CABIN1: variants seen among roughly 807,000 people sequenced by gnomAD.
CABIN1 encodes the protein calcineurin binding protein 1, also known as calcineurin-binding protein cabin-1.
CABIN1 carries 133 observed loss-of-function variants against 227.7 expected under a neutral mutation model. The ratio of observed to expected loss-of-function variants is 0.58; its 90% CI spans 0.51 to 0.67. The LOEUF (loss-of-function observed/expected upper bound fraction) is 0.67, where lower values mean the gene tolerates loss of function less well. Ranked by LOEUF, CABIN1 falls within the 30% of genes least tolerant of loss-of-function variation. The pLI, the probability that CABIN1 is intolerant of heterozygous loss-of-function variation, is 0.00. For synonymous variants in CABIN1, 1,086 were observed against 1,155.1 expected (o/e 0.94, Z 1.21); for missense variants, 2,408 against 2,852.5 (o/e 0.84, Z 3.55).
At chr22:24,073,619 A>G (rs1012127363) in intron 18 of CABIN1, among the ~76,000 whole-genome samples, 1 of 152,156 alleles carries the variant, frequency 6.6e-6, no homozygotes, top group Non-Finnish European at 1.5e-5. Flanking sequence ...CAGATCAACT[A>G]TCTAACACCA....
At chr22:24,042,553 C>G (rs767031222) in intron 5 of CABIN1, among the ~76,000 whole-genome samples, 1 of 152,098 alleles carries the variant, frequency 6.6e-6, no homozygotes, top group Non-Finnish European at 1.5e-5. Flanking sequence ...TGCACTCTTG[C>G]CTGGGCAGTA....
intron 29 of CABIN1, among the ~76,000 whole-genome samples, chr22:24,135,696 C>G (rs544782193): frequency 6.6e-6 from 1 of 152,356 alleles, no homozygotes; most frequent in African/African-American, 2.4e-5. Flanking sequence ...CATACACCCC[C>G]TCTGAGCTTT....
intron 29 of CABIN1, among the ~76,000 whole-genome samples, chr22:24,141,133 C>G (rs984479726): frequency 1.3e-5 from 2 of 152,368 alleles, no homozygotes; most frequent in Non-Finnish European, 1.5e-5. Context: ...TAGGATGTGA[C>G]TGAAGCACGG....
At chr22:24,095,607 A>G (rs1649405806) in intron 24 of CABIN1, among the ~76,000 whole-genome samples, 1 of 152,210 alleles carries the variant, frequency 6.6e-6, no homozygotes, top group Non-Finnish European at 1.5e-5. Context: ...CACAAAGAGA[A>G]CAGCAGCACT....
At chr22:24,143,767 G>A (rs5760216) in intron 29 of CABIN1, among the ~76,000 whole-genome samples, 8,777 of 152,222 alleles carry the variant, frequency 0.058, 303 homozygotes, top group South Asian at 0.11. Flanking sequence ...TTGTACAGAC[G>A]GGGAAGTTGT....
chr22:24,054,438 T>C (rs1322079109), intron 8 of CABIN1, among the ~76,000 whole-genome samples: 1 of 152,234 alleles, frequency 6.6e-6, no homozygotes, highest in East Asian at 1.9e-4. Context: ...TTATAGACCA[T>C]GTCCCTGTTG....
At chr22:24,041,406 A>T in intron 5 of CABIN1, 133 bp downstream of exon 5, 11 of 1,128,658 alleles carry the variant, frequency 9.7e-6, no homozygotes, top group Non-Finnish European at 1.4e-5. Context: ...CCAAGGCTCT[A>T]GGGTAGGTCC....
Position 24,166,984 on chromosome 22 carries a change from G to A in CABIN1, c.5353G>A (p.Ala1785Thr), listed in dbSNP as rs576827737. The A allele has an allele frequency of 1.4e-4, 219 of 1,577,104 alleles. 3 individuals are homozygous for A. In the South Asian group the frequency reaches 2.1e-3, roughly 15 times the overall value. Reference protein sequence around the residue: ...RTPPLLPGRPARDRGPESRPT... With the variant: ...RTPPLLPGRPTRDRGPESRPT... ...ACCACCCCTGCTGCCAGGTCGCCCC[G>A]CAAGGGACCGGGGCCCCGAGAGCCG... The change falls in exon 32 of 37, where the codon GCA (alanine) becomes ACA (threonine). Residue 1785 changes from alanine (A) to threonine (T), a missense_variant. Around this residue, in one of 3 missense-constraint regions of CABIN1, gnomAD observed 714 missense variants for 773.8 expected, o/e 0.92. Coordinates refer to ENST00000263119, the MANE Select transcript of CABIN1 (RefSeq NM_012295.4).
intron 32 of CABIN1, 75 bp from the exon 33 acceptor site, chr22:24,168,372 A>G: frequency 7.1e-7 from 1 of 1,401,354 alleles, no homozygotes; most frequent in Non-Finnish European, 9.9e-7. Context: ...GGTCTGTGCT[A>G]CATACACAGA....
At chr22:24,108,005 C>T (rs1287458393) in intron 26 of CABIN1, among the ~76,000 whole-genome samples, 5 of 152,238 alleles carry the variant, frequency 3.3e-5, no homozygotes, top group African/African-American at 1.2e-4. Context: ...TGAGGCCTCA[C>T]GAGCATTGTC....
At chr22:24,067,310 TAAG>T in intron 16 of CABIN1, 129 bp downstream of exon 16, 1 of 950,454 alleles carries the variant, frequency 1.1e-6, no homozygotes, top group Non-Finnish European at 1.7e-6. Flanking sequence ...TCAAAACCAC[TAAG>T]CCCCCAGGAA....
rs538234011 is a variant in CABIN1, at chr22:24,085,148, A to G, written c.3260A>G (p.Asn1087Ser). The G allele has an allele frequency of 5.5e-5, 89 of 1,614,228 alleles. No individual in the cohort carries two copies. Among genetic ancestry groups the G allele is most frequent in the African/African-American group, 5.3e-4 (40 of 75,068 alleles). ...FYMHDICICPNRFDSWAGMAL... is the reference protein window; with the variant it reads ...FYMHDICICPSRFDSWAGMAL... ...ATGCATGACATCTGCATCTGCCCCA[A>G]TAGGTCAGTGACCAGATCATGAGGC... The change falls in exon 22 of 37, where the codon AAT (asparagine) becomes AGT (serine). Residue 1087 changes from asparagine to serine, a missense_variant. Physicochemically the swap from Asn to Ser is conservative, Grantham distance 46. This residue lies in a region of CABIN1 where 649 missense variants were observed against 910.3 expected (regional missense o/e 0.71). Transcript: ENST00000263119.
At chr22:24,116,014 C>T (rs780611662) in intron 27 of CABIN1, among the ~76,000 whole-genome samples, 2 of 152,208 alleles carry the variant, frequency 1.3e-5, no homozygotes, top group Non-Finnish European at 2.9e-5. Flanking sequence ...TCCCTCCCAC[C>T]GTGTCTAGCA....
Position 24,113,731 on chromosome 22 carries a change from G to A in CABIN1, c.4283G>A (p.Gly1428Glu). 1 of 1,613,800 alleles carries A rather than the reference G, an allele frequency of 6.2e-7. No homozygotes were observed. The highest frequency in any genetic ancestry group is 8.5e-7 in the Non-Finnish European group (1 of 1,180,032). The change falls in exon 27 of 37, where the codon GGG becomes GAG. Residue 1428 changes from glycine (G) to glutamate (E), a missense_variant. This residue lies in a region of CABIN1 where 649 missense variants were observed against 910.3 expected (regional missense o/e 0.71). Coordinates refer to ENST00000263119, the MANE Select transcript of CABIN1 (RefSeq NM_012295.4). ...GGAGCGACGGGTAAAGATCTTCAGG[G>A]GGCCACAGAAGAAAGAGGTATGAAG... is the stretch of plus-strand genomic sequence containing the variant. ...QAGATGKDLQGATEERGKNEE... is the reference protein window; with the variant it reads ...QAGATGKDLQEATEERGKNEE...
At position 24,143,160 on chromosome 22, in the gene CABIN1, T is replaced by C. The variant is rs537909472; in HGVS notation, c.4746+8745T>C. Among the ~76,000 whole-genome samples the C allele has an allele frequency of 1.6e-4, 25 of 152,286 alleles. No individual in the cohort carries two copies. The South Asian group carries it at 2.9e-3, about 18-fold the overall frequency. On this transcript the variant is annotated intron_variant, in intron 29 of 36. Transcript: ENST00000263119. ...TGGAGGAGGGGTGTGTACTTCACTATGTATAGTGTGGAAGCCCATGCGTTG... is the reference window on the plus strand; with the variant it reads ...TGGAGGAGGGGTGTGTACTTCACTACGTATAGTGTGGAAGCCCATGCGTTG...
At chr22:24,172,812 C>T (rs1601294131) in intron 34 of CABIN1, among the ~76,000 whole-genome samples, 1 of 152,168 alleles carries the variant, frequency 6.6e-6, no homozygotes, top group African/African-American at 2.4e-5. Flanking sequence ...GCTCTGGCAG[C>T]TGCAATTCTG....
chr22:24,108,602 G>A (rs1279161879), intron 26 of CABIN1, among the ~76,000 whole-genome samples: 3 of 152,246 alleles, frequency 2.0e-5, no homozygotes, highest in African/African-American at 4.8e-5. Flanking sequence ...TGATCCATCA[G>A]TTCCTGGGCA....
intron 29 of CABIN1, among the ~76,000 whole-genome samples, chr22:24,141,161 C>T (rs961796988): frequency 1.3e-5 from 2 of 152,240 alleles, no homozygotes; most frequent in African/African-American, 4.8e-5. Flanking sequence ...GGAGCTCCAA[C>T]TCACACCTGG....
chr22:24,059,267 A>G lies in CABIN1; in HGVS notation c.1303A>G (p.Asn435Asp). ...CCCTGAGGAGGAAGATGATTCCTTT[A>G]ATAACTATGAAGTCCAGTCAGAAGC... ...LDPEEEDDSF[N>D]NYEVQSEAKL... Residue 435 changes from asparagine (N) to aspartate (D), a missense_variant, in exon 11 of 37, where the codon AAT becomes GAT. Transcript: ENST00000263119. 6.2e-7 allele frequency: 1 copy of G among 1,614,202 alleles called. No individual in the cohort carries two copies. The highest frequency in any genetic ancestry group is 2.2e-5 in the East Asian group (1 of 44,888).
Sources: gnomAD v4.1 joint callset for allele counts (sites outside exome capture counted in the v4.1 genomes callset) on GRCh38, gnomAD v4.1.1 for gene constraint, gnomAD v4.1.1 regional missense constraint, MANE v1.5 for transcripts, NCBI Gene and HGNC (gene_info 2026-07-23, HGNC 2026-07-21) for gene names.